KSR1: variants seen among roughly 807,000 people sequenced by gnomAD.
KSR1 encodes the protein kinase suppressor of ras.
KSR1 carries 35 observed loss-of-function variants against 92.9 expected under a neutral mutation model. That is an observed-to-expected ratio of 0.38 (90% CI 0.29 to 0.50). The LOEUF is 0.50. KSR1 is among the 20% of genes least tolerant of loss of function. The probability of loss-of-function intolerance (pLI) is 0.94; values close to 1 mark genes in which losing one functional copy is unlikely to be tolerated. For synonymous variants in KSR1, 467 were observed against 472.6 expected (o/e 0.99, Z 0.15); for missense variants, 972 against 1,158.5 (o/e 0.84, Z 2.34).
At chr17:27,536,468 T>G (rs2070756056) in intron 1 of KSR1, among the ~76,000 whole-genome samples, 1 of 152,232 alleles carries the variant, frequency 6.6e-6, no homozygotes, top group Non-Finnish European at 1.5e-5. Context: ...TGAATTGCAG[T>G]GCTTCTTAAA....
chr17:27,554,747 C>T (rs2151099370), intron 2 of KSR1, among the ~76,000 whole-genome samples: 1 of 152,264 alleles, frequency 6.6e-6, no homozygotes, highest in East Asian at 1.9e-4. Flanking sequence ...GGAAACCATC[C>T]CCCGCTCCCT....
chr17:27,516,740 TAA>T (rs1448566513), intron 1 of KSR1, among the ~76,000 whole-genome samples: 2 of 152,350 alleles, frequency 1.3e-5, no homozygotes, highest in African/African-American at 4.8e-5. Flanking sequence ...TTTTAATATT[TAA>T]AGAGATACAT....
rs2074306647 is a variant in KSR1 at position 27,624,941 on chromosome 17, G to C, written c.*1549G>C. On this transcript the variant is annotated 3_prime_UTR_variant, in exon 21 of 21. Transcript: ENST00000644974. ...CTCCTCTCCAGGCCTGGCATCCCTT[G>C]GTCAGCCCCTCCTGGGAGGGCACAG... 6.6e-6 allele frequency: 1 copy of C among 152,322 alleles called. No individual in the cohort carries two copies. Among genetic ancestry groups the C allele is most frequent in the Non-Finnish European group, 1.5e-5 (1 of 68,094 alleles). The allele number at this position is 152,322 out of a possible 1,614,324, so 9.4% of individuals were successfully genotyped here.
chr17:27,568,806 A>AG (rs1487957111), intron 2 of KSR1, among the ~76,000 whole-genome samples: 1 of 152,136 alleles, frequency 6.6e-6, no homozygotes, highest in East Asian at 1.9e-4. Flanking sequence ...GTCCCTGTTG[A>AG]GGGGCACGTC....
chr17:27,576,049 A>G (rs1407028515), intron 2 of KSR1, among the ~76,000 whole-genome samples: 4 of 152,062 alleles, frequency 2.6e-5, no homozygotes, highest in African/African-American at 9.7e-5. Context: ...CATTCCCTCA[A>G]TGGCTGTCAG....
intron 2 of KSR1, among the ~76,000 whole-genome samples, chr17:27,556,324 C>G (rs2071593954): frequency 6.6e-6 from 1 of 152,206 alleles, no homozygotes; most frequent in Non-Finnish European, 1.5e-5. Context: ...AAGCGATCCT[C>G]CCGCCTCACT....
chr17:27,488,990 G>C (rs4795696), intron 1 of KSR1, among the ~76,000 whole-genome samples: 136,536 of 152,300 alleles, frequency 0.9, 61,297 homozygotes, highest in East Asian at 1. Context: ...AAAAAATGTC[G>C]TGTTGTCTCA....
intron 20 of KSR1, chr17:27,622,345 T>C (rs764777158): frequency 7.0e-5 from 14 of 200,078 alleles, no homozygotes; most frequent in Non-Finnish European, 1.1e-4. Context: ...TCCCACTGGG[T>C]GTGTGCCTAG....
At chr17:27,564,743 C>G (rs1266632347) in intron 2 of KSR1, among the ~76,000 whole-genome samples, 5 of 141,742 alleles carry the variant, frequency 3.5e-5, no homozygotes, top group Non-Finnish European at 7.8e-5. Flanking sequence ...AAGACCCCCC[C>G]CCCCCACCTC....
chr17:27,592,761 T>C lies in KSR1; in HGVS notation c.1299+135T>C, dbSNP rs1423161736. 4.4e-6 allele frequency: 3 copies of C among 679,502 alleles called. No individual in the cohort carries two copies. In the African/African-American group the frequency reaches 5.4e-5, roughly 12 times the overall value. The allele number at this position is 679,502 out of a possible 1,614,324, so 42.1% of individuals were successfully genotyped here. ...TCAGATTTGTGGCCAGAGGGTGGCC[T>C]TGGGGATCATATCTTGAGCCACTAG... is the stretch of plus-strand genomic sequence containing the variant. On this transcript the variant is annotated intron_variant, in intron 9 of 20. Coordinates refer to ENST00000644974, the MANE Select transcript of KSR1 (RefSeq NM_001394583.1).
At position 27,456,700 on chromosome 17, in the gene KSR1, CG is replaced by C; in HGVS notation, c.64del (p.Asp22MetfsTer71). ...AMGEKKEGGG[G>X]GDAAAAEGGA... ...TGGGAGAGAAGAAGGAGGGCGGTGG[CG>C]GGGGGGATGCGGCGGCCGCGGAGGG... On this transcript the variant is annotated frameshift_variant, in exon 1 of 21. Transcript: ENST00000644974. LOFTEE classifies it high-confidence loss of function. The C allele has an allele frequency of 2.6e-5, 21 of 802,108 alleles. No homozygotes were observed. The highest frequency in any genetic ancestry group is 1.1e-4 in the East Asian group (4 of 37,692). 49.7% of individuals were successfully genotyped at this position (802,108 alleles called of 1,614,324 possible). A position where few individuals can be genotyped will look rare whatever the true frequency, so the allele number is the denominator to read the frequency against.
chr17:27,469,782 A>G (rs2019880909), intron 1 of KSR1, among the ~76,000 whole-genome samples: 1 of 152,150 alleles, frequency 6.6e-6, no homozygotes, highest in South Asian at 2.1e-4. Flanking sequence ...TTTAGTTGCC[A>G]CATGAGAGTG....
chr17:27,522,992 G>A (rs893788976), intron 1 of KSR1, among the ~76,000 whole-genome samples: 5 of 152,286 alleles, frequency 3.3e-5, no homozygotes, highest in African/African-American at 7.2e-5. Context: ...TAGAAATACA[G>A]CATGGGGAGG....
chr17:27,610,243 G>C (rs1260930165), intron 17 of KSR1, 45 bp downstream of exon 17: 1 of 1,612,148 alleles, frequency 6.2e-7, no homozygotes, highest in East Asian at 2.2e-5. Flanking sequence ...GGCCAAAACA[G>C]AGGGCCCTGG....
At chr17:27,490,663 G>C (rs1479851856) in intron 1 of KSR1, among the ~76,000 whole-genome samples, 1 of 152,178 alleles carries the variant, frequency 6.6e-6, no homozygotes, top group Non-Finnish European at 1.5e-5. Context: ...TAATTGAGTT[G>C]TACAAATAGG....
At chr17:27,550,082 C>T (rs947398637) in intron 1 of KSR1, among the ~76,000 whole-genome samples, 11 of 152,152 alleles carry the variant, frequency 7.2e-5, no homozygotes, top group East Asian at 1.9e-4. Flanking sequence ...TTCTGTCACC[C>T]GGGCTGGAGT....
intron 2 of KSR1, among the ~76,000 whole-genome samples, chr17:27,570,141 C>T (rs1213328311): frequency 6.6e-6 from 1 of 152,204 alleles, no homozygotes; most frequent in Admixed American, 6.5e-5. Flanking sequence ...CCAGAGCTCA[C>T]CCTAGCTGGG....
At position 27,625,587 on chromosome 17, in the gene KSR1, T is replaced by G. The variant is rs1038711065; in HGVS notation, c.*2195T>G. 6.6e-6 allele frequency: 1 copy of G among 152,264 alleles called. No individual in the cohort carries two copies. Among genetic ancestry groups the G allele is most frequent in the African/African-American group, 2.4e-5 (1 of 41,442 alleles). The allele number at this position is 152,264 out of a possible 1,614,324, so 9.4% of individuals were successfully genotyped here. A position where few individuals can be genotyped will look rare whatever the true frequency, so the allele number is the denominator to read the frequency against. ...CTCAGCCTGCCACCTCTGCACTGCCTGCCTTTAAAGAACCCCACCCCACCC... is the reference window on the plus strand; with the variant it reads ...CTCAGCCTGCCACCTCTGCACTGCCGGCCTTTAAAGAACCCCACCCCACCC... On this transcript the variant is annotated 3_prime_UTR_variant, in exon 21 of 21. Coordinates refer to ENST00000644974, the MANE Select transcript of KSR1 (RefSeq NM_001394583.1).
chr17:27,586,912 A>T (rs1327432083), intron 5 of KSR1, among the ~76,000 whole-genome samples: 2 of 152,110 alleles, frequency 1.3e-5, no homozygotes, highest in East Asian at 3.9e-4. Flanking sequence ...TCGCTCTATC[A>T]CCCAGGCTGA....
Sources: gnomAD v4.1 joint callset for allele counts (sites outside exome capture counted in the v4.1 genomes callset) on GRCh38, gnomAD v4.1.1 for gene constraint, MANE v1.5 for transcripts, NCBI Gene and HGNC (gene_info 2026-07-23, HGNC 2026-07-21) for gene names.